The following IPO9 variants were observed in gnomAD, a reference collection of about 807,000 sequenced individuals.
IPO9 encodes importin 9.
IPO9 carries 28 observed loss-of-function variants against 128.6 expected under a neutral mutation model. The ratio of observed to expected loss-of-function variants is 0.22; its 90% CI spans 0.16 to 0.30. IPO9 has a LOEUF of 0.30. Ranked by LOEUF, IPO9 falls within the 10% of genes least tolerant of loss-of-function variation. IPO9 has a pLI of 1.00. For missense variants in IPO9, 935 were observed against 1,293.9 expected, an observed-to-expected ratio of 0.72 and a Z score of 4.26; for synonymous variants, 455 against 475.8, an observed-to-expected ratio of 0.96 and a Z score of 0.57.
rs769612960 is a variant in IPO9 at position 201,870,223 on chromosome 1, C to A, written c.2134-360C>A. ...TAGGCAACTAGTGGTTTGTGTAAGA[C>A]CTATATAAAGACCTACAGTATCCCC... On this transcript the variant is annotated intron_variant, in intron 17 of 23. Coordinates refer to ENST00000361565, the MANE Select transcript of IPO9 (RefSeq NM_018085.5). This position sits in a 1 kb window ranked among gnomAD's most constrained non-coding sequence, Gnocchi z 4.9. Among the ~76,000 whole-genome samples, 1 of 152,112 alleles carries A rather than the reference C, an allele frequency of 6.6e-6. No homozygotes were observed. The highest frequency in any genetic ancestry group is 1.5e-5 in the Non-Finnish European group (1 of 68,020).
At chr1:201,836,044 A>G (rs1472677207) in intron 1 of IPO9, among the ~76,000 whole-genome samples, 2 of 146,312 alleles carry the variant, frequency 1.4e-5, no homozygotes, top group Non-Finnish European at 3.0e-5. Context: ...CCCGGGAGGC[A>G]GAGCTTGCAG....
intron 13 of IPO9, among the ~76,000 whole-genome samples, chr1:201,861,262 C>T (rs1370697184): frequency 6.6e-6 from 1 of 152,224 alleles, no homozygotes; most frequent in East Asian, 1.9e-4. Flanking sequence ...CCTTTGGGAA[C>T]TGCTTCTGTA....
rs775671184 is a variant in IPO9 at position 201,859,009 on chromosome 1, G to A, written c.1468+15G>A. 7.5e-6 allele frequency: 12 copies of A among 1,592,614 alleles called. No individual in the cohort carries two copies. Among genetic ancestry groups the A allele is most frequent in the East Asian group, 6.8e-5 (3 of 44,218 alleles). ...CAACCTCTCAGGTATGTTTCAGCAC[G>A]TGCCAGGATTCTAGAAACTCTTTAA... On this transcript the variant is annotated intron_variant, in intron 13 of 23. Coordinates refer to ENST00000361565, the MANE Select transcript of IPO9 (RefSeq NM_018085.5).
At chr1:201,875,908 A>T (rs189413207) in intron 23 of IPO9, 36 bp from the exon 24 acceptor site, 1 of 1,315,630 alleles carries the variant, frequency 7.6e-7, no homozygotes, top group Non-Finnish European at 1.1e-6. Flanking sequence ...GTGACTTGCA[A>T]TGTCTCACTA....
At chr1:201,839,364 G>A (rs1468584269) in intron 1 of IPO9, among the ~76,000 whole-genome samples, 2 of 150,716 alleles carry the variant, frequency 1.3e-5, no homozygotes, top group East Asian at 4.0e-4. Flanking sequence ...CTTCAGTCAC[G>A]CACCACCACG....
intron 13 of IPO9, among the ~76,000 whole-genome samples, chr1:201,860,741 T>G (rs568748421): frequency 7.2e-5 from 11 of 152,348 alleles, no homozygotes; most frequent in Admixed American, 7.2e-4. Flanking sequence ...TTTATTAATA[T>G]TTAACATACT....
chr1:201,866,568 T>C (rs1680558066), intron 14 of IPO9, among the ~76,000 whole-genome samples, 165 bp from the exon 15 acceptor site: 1 of 151,984 alleles, frequency 6.6e-6, no homozygotes, highest in African/African-American at 2.4e-5. Context: ...GAAATGGTGG[T>C]GTTGATGTTT....
intron 14 of IPO9, among the ~76,000 whole-genome samples, chr1:201,863,863 C>G (rs934859240): frequency 2.6e-5 from 4 of 152,202 alleles, no homozygotes; most frequent in African/African-American, 9.7e-5. Flanking sequence ...AACTCCCTTT[C>G]TCTCAATGGT....
At chr1:201,848,827 A>G (rs1680166579) in intron 4 of IPO9, among the ~76,000 whole-genome samples, 1 of 152,182 alleles carries the variant, frequency 6.6e-6, no homozygotes, top group Non-Finnish European at 1.5e-5. Flanking sequence ...ATACAGTATT[A>G]GCATAGTGAT....
rs1553293525 is a variant in IPO9, at chr1:201,883,171, T to TTCC, written c.*7117_*7118insTCC. ...GTGTATTAATTTGCTTTCACTAGAT[T>TTCC]CCCCCCCCCCCAACAACTTAGTCCA... On this transcript the variant is annotated 3_prime_UTR_variant, in exon 24 of 24. Transcript: ENST00000361565. The TTCC allele has an allele frequency of 5.2e-5, 7 of 134,408 alleles. No individual in the cohort carries two copies. Among genetic ancestry groups the TTCC allele is most frequent in the Non-Finnish European group, 9.6e-5 (6 of 62,352 alleles). The allele number at this position is 134,408 out of a possible 1,614,324, so 8.3% of individuals were successfully genotyped here. A position where few individuals can be genotyped will look rare whatever the true frequency, so the allele number is the denominator to read the frequency against.
intron 14 of IPO9, among the ~76,000 whole-genome samples, chr1:201,864,798 T>TTTTG (rs755219867): frequency 8.5e-5 from 13 of 152,316 alleles, no homozygotes; most frequent in South Asian, 2.1e-4. Context: ...ATATAAAATA[T>TTTTG]TTTGTTTGTT....
chr1:201,840,683 A>G (rs1195621464), intron 1 of IPO9, among the ~76,000 whole-genome samples: 1 of 152,208 alleles, frequency 6.6e-6, no homozygotes, highest in Non-Finnish European at 1.5e-5. Flanking sequence ...GTATATCTAC[A>G]TATATTATGC....
chr1:201,829,211 TGGC>T lies in IPO9; in HGVS notation c.15_17del (p.Ala7?), dbSNP rs753022336. 1.4e-5 allele frequency: 21 copies of T among 1,545,250 alleles called. No homozygotes were observed. Among genetic ancestry groups the T allele is most frequent in the African/African-American group, 8.5e-5 (6 of 70,394 alleles). ...GCTGGCGGGCTGAGGGGAGAAAAGATGGCGGCGGCGGCGGCAGCTGGTGCGGCC... is the reference window on the plus strand; with the variant it reads ...GCTGGCGGGCTGAGGGGAGAAAAGATGGCGGCGGCGGCAGCTGGTGCGGCC... On this transcript the variant is annotated start_lost and inframe_deletion, in exon 1 of 24. Transcript: ENST00000361565.
intron 1 of IPO9, among the ~76,000 whole-genome samples, chr1:201,840,439 A>T (rs904724517): frequency 2.6e-5 from 4 of 152,218 alleles, no homozygotes; most frequent in African/African-American, 9.7e-5. Flanking sequence ...TATTGCTGGT[A>T]GGAGTACAAA....
chr1:201,847,504 GA>G lies in IPO9; in HGVS notation c.226-41del, dbSNP rs543026966. ...GGCTATGTATATAGTTTTTATGTGTGAAAAAAATCTTTTTCTTGCTGTACTA... is the reference window on the plus strand; with the variant it reads ...GGCTATGTATATAGTTTTTATGTGTGAAAAAATCTTTTTCTTGCTGTACTA... On this transcript the variant is annotated intron_variant, in intron 2 of 23. Coordinates refer to ENST00000361565, the MANE Select transcript of IPO9 (RefSeq NM_018085.5). 115 of 1,519,658 alleles carry G rather than the reference GA, an allele frequency of 7.6e-5. No individual in the cohort carries two copies. In the South Asian group the frequency reaches 1.2e-3, roughly 16 times the overall value. 94.1% of individuals were successfully genotyped at this position (1,519,658 alleles called of 1,614,324 possible).
At chr1:201,868,276 G>A (rs554590180) in intron 15 of IPO9, among the ~76,000 whole-genome samples, 14 of 148,532 alleles carry the variant, frequency 9.4e-5, no homozygotes, top group African/African-American at 3.0e-4. Context: ...AATTTTTGCA[G>A]CTTTCATGTC....
At chr1:201,854,386 G>A (rs1211172210) in intron 6 of IPO9, among the ~76,000 whole-genome samples, 1 of 152,194 alleles carries the variant, frequency 6.6e-6, no homozygotes, top group Non-Finnish European at 1.5e-5. Flanking sequence ...TAGTTTTTAA[G>A]AGGGCTTTGA....
rs1050545623 is a variant in IPO9 at position 201,876,385 on chromosome 1, T to C, written c.*331T>C. 4.7e-6 allele frequency: 2 copies of C among 424,042 alleles called. No individual in the cohort carries two copies. The allele number at this position is 424,042 out of a possible 1,614,324, so 26.3% of individuals were successfully genotyped here. ...ATTGCCCAGAAGGATTATGTGTTTA[T>C]GGATTATTTTGCCCCGCCTCAGGAG... On this transcript the variant is annotated 3_prime_UTR_variant, in exon 24 of 24. Coordinates refer to ENST00000361565, the MANE Select transcript of IPO9 (RefSeq NM_018085.5).
Position 201,858,539 on chromosome 1 carries a change from T to C in IPO9, c.1314T>C (p.Ser438=). The C allele has an allele frequency of 1.3e-6, 2 of 1,584,404 alleles. No homozygotes were observed. The highest frequency in any genetic ancestry group is 2.3e-5 in the South Asian group (2 of 87,422). ...HLQEAEQTKN[S]GTEHWWKIHE... The stretch of plus-strand genomic sequence containing the variant: ...AAGAAGCTGAGCAAACCAAAAACAG[T>C]GGCACTGAGCACTGGTAAGAGTGAG... The change falls in exon 12 of 24, where the codon AGT becomes AGC. Residue 438 remains serine (S), a synonymous_variant. Coordinates refer to ENST00000361565, the MANE Select transcript of IPO9 (RefSeq NM_018085.5).
Sources: gnomAD v4.1 joint callset for allele counts (sites outside exome capture counted in the v4.1 genomes callset) on GRCh38, gnomAD v4.1.1 for gene constraint, Gnocchi (gnomAD v3.1) non-coding constraint, MANE v1.5 for transcripts, NCBI Gene and HGNC (gene_info 2026-07-23, HGNC 2026-07-21) for gene names.